ARVCF: variants seen among roughly 807,000 people sequenced by gnomAD.
The protein encoded by ARVCF is splicing regulator ARVCF.
In ARVCF, 66 loss-of-function variants were observed where a neutral mutation model predicts 90.9. That is an observed-to-expected ratio of 0.73 (90% CI 0.60 to 0.89). The LOEUF (loss-of-function observed/expected upper bound fraction) is 0.89. ARVCF is among the 40% of genes least tolerant of loss of function. ARVCF has a pLI of 0.00. For missense variants in ARVCF, 1,469 were observed against 1,382.3 expected (o/e 1.06, Z -1.00); for synonymous variants, 653 against 603.4 (o/e 1.08, Z -1.21).
chr22:20,008,717 A>G (rs887202), intron 2 of ARVCF, among the ~76,000 whole-genome samples: 139,869 of 152,156 alleles, frequency 0.92, 64,880 homozygotes, highest in African/African-American at 0.97. Flanking sequence ...CGCAAGCCAG[A>G]GCCCAGGTTG....
downstream of ARVCF, chr22:19,968,613 A>G (rs1199243850): frequency 1.2e-6 from 2 of 1,614,046 alleles, no homozygotes; most frequent in South Asian, 2.2e-5. Flanking sequence ...ACTTCCTAGC[A>G]CACGTGCGCG....
intron 1 of ARVCF, among the ~76,000 whole-genome samples, chr22:20,015,805 G>A (rs937580567): frequency 6.6e-6 from 1 of 152,244 alleles, no homozygotes; most frequent in Non-Finnish European, 1.5e-5. Context: ...TGGATGTAGG[G>A]AAAGGGAGCT....
At chr22:19,991,821 A>C (rs73387746) in intron 2 of ARVCF, among the ~76,000 whole-genome samples, 1 of 152,250 alleles carries the variant, frequency 6.6e-6, no homozygotes, top group African/African-American at 2.4e-5. Context: ...TGGGCAGGGC[A>C]TAGCCACGAG....
rs921572593 is a variant in ARVCF at position 20,006,451 on chromosome 22, C to T, written c.-19+4004G>A. On this transcript the variant is annotated intron_variant, in intron 2 of 19. Transcript: ENST00000263207. ...AAAATTAGCCGGGTGTGGCGGTGAG[C>T]GCCTGTAGTTCCAGCTACTTGGGAG... Among the ~76,000 whole-genome samples, 8 of 151,186 alleles carry T rather than the reference C, an allele frequency of 5.3e-5. No individual in the cohort carries two copies. The South Asian group carries it at 6.3e-4, about 12-fold the overall frequency.
At chr22:20,010,243 T>G (rs1359067868) in intron 2 of ARVCF, among the ~76,000 whole-genome samples, 4 of 152,202 alleles carry the variant, frequency 2.6e-5, no homozygotes, top group Non-Finnish European at 4.4e-5. Context: ...CTGCCCATAT[T>G]CAGGCCAGTA....
chr22:19,966,427 G>A (rs1320035217), downstream of ARVCF, among the ~76,000 whole-genome samples: 1 of 129,198 alleles, frequency 7.7e-6, no homozygotes, highest in African/African-American at 3.1e-5. Flanking sequence ...AGAGGAATGA[G>A]TTCCCCCTTA....
rs113625788 is a variant in ARVCF, at chr22:19,981,659, C to T, written c.448G>A (p.Asp150Asn). The change falls in exon 5 of 20, where the codon GAT (aspartate) becomes AAT (asparagine). Residue 150 changes from aspartate (D) to asparagine (N), a missense_variant. Physicochemically the swap from Asp to Asn is conservative, Grantham distance 23 (BLOSUM62 1). Transcript: ENST00000263207. ...AAAGGGCCTAGTGGGGGGCCGCCAT[C>T]CAGCAGGGGGAGTCCATCTGGGCCC... ...PVGPDGLPLL[D>N]GGPPLGPFAD... The T allele has an allele frequency of 3.6e-3, 5,800 of 1,609,168 alleles. 17 individuals carry two copies. Among genetic ancestry groups the T allele is most frequent in the Non-Finnish European group, 4.5e-3 (5,332 of 1,178,780 alleles).
chr22:19,993,766 A>C (rs1944118294), intron 2 of ARVCF, among the ~76,000 whole-genome samples: 1 of 152,274 alleles, frequency 6.6e-6, no homozygotes, highest in African/African-American at 2.4e-5. Context: ...CATGTGGACA[A>C]CACCATGTTC....
chr22:19,977,311 G>T (rs950556698), intron 9 of ARVCF, 104 bp downstream of exon 9: 2 of 1,385,756 alleles, frequency 1.4e-6, no homozygotes, highest in African/African-American at 1.5e-5. Context: ...GGCTGACCAG[G>T]TGTCCTCTAG....
At chr22:20,001,356 A>G (rs1944439374) in intron 2 of ARVCF, among the ~76,000 whole-genome samples, 1 of 152,110 alleles carries the variant, frequency 6.6e-6, no homozygotes, top group South Asian at 2.1e-4. Flanking sequence ...AACTTACAGC[A>G]GCCTAGTGCC....
At chr22:20,008,477 T>C (rs541020746) in intron 2 of ARVCF, among the ~76,000 whole-genome samples, 1 of 152,336 alleles carries the variant, frequency 6.6e-6, no homozygotes, top group African/African-American at 2.4e-5. Flanking sequence ...CTGGTTCCTC[T>C]GTGTGTTGTG....
At chr22:20,006,578 CAA>C (rs34035926) in intron 2 of ARVCF, among the ~76,000 whole-genome samples, 44 of 137,408 alleles carry the variant, frequency 3.2e-4, no homozygotes, top group Middle Eastern at 3.6e-3. Context: ...GACTCTGTCT[CAA>C]AAAAAAAAAA....
chr22:20,008,515 T>C (rs1390059986), intron 2 of ARVCF, among the ~76,000 whole-genome samples: 25 of 152,184 alleles, frequency 1.6e-4, no homozygotes, highest in Admixed American at 1.6e-3. Context: ...TGGGAGCTCC[T>C]CAGGGGCAGG....
chr22:19,982,744 C>A (rs1943574268), intron 3 of ARVCF, among the ~76,000 whole-genome samples: 1 of 152,228 alleles, frequency 6.6e-6, no homozygotes, highest in Non-Finnish European at 1.5e-5. Flanking sequence ...TCCTTCCAGC[C>A]CAGACATTCT....
intron 3 of ARVCF, among the ~76,000 whole-genome samples, chr22:19,982,581 T>C (rs1043808018): frequency 8.5e-5 from 13 of 152,134 alleles, no homozygotes; most frequent in African/African-American, 3.1e-4. Flanking sequence ...ACCTTGAGTA[T>C]AGAAGCCTTG....
Position 19,971,197 on chromosome 22 carries a change from AC to A in ARVCF, c.*12+18del. 6.4e-7 allele frequency: 1 copy of A among 1,551,670 alleles called. No homozygotes were observed. Among genetic ancestry groups the A allele is most frequent in the Non-Finnish European group, 8.7e-7 (1 of 1,147,030 alleles). ...GAGGGCAGGAACAGGTGGACGAACA[AC>A]CAGATGAGAGAACGTACCAGGCATG... is the stretch of plus-strand genomic sequence containing the variant. On this transcript the variant is annotated intron_variant, in intron 19 of 19. Coordinates refer to ENST00000263207, the MANE Select transcript of ARVCF (RefSeq NM_001670.3).
In ARVCF at chr22:19,971,354, C is replaced by A; in HGVS notation, c.2782-19G>T. On this transcript the variant is annotated intron_variant, in intron 18 of 19. Transcript: ENST00000263207. ...GGTCGAGCTGCAGCGCACGGGTGGG[C>A]ATTAGAGGCACAATAGAGCAGGTTA... The A allele has an allele frequency of 6.5e-7, 1 of 1,546,694 alleles. No individual in the cohort carries two copies. The highest frequency in any genetic ancestry group is 2.4e-5 in the East Asian group (1 of 41,152).
intron 1 of ARVCF, among the ~76,000 whole-genome samples, chr22:20,014,413 T>G (rs1055950272): frequency 2.0e-5 from 3 of 152,204 alleles, no homozygotes; most frequent in Non-Finnish European, 2.9e-5. Flanking sequence ...CAGGCTAGTG[T>G]CAAACTCCTG....
Position 19,980,146 on chromosome 22 carries a change from GC to G in ARVCF, c.992del (p.Gly331AlafsTer44). On this transcript the variant is annotated frameshift_variant, in exon 6 of 20. Coordinates refer to ENST00000263207, the MANE Select transcript of ARVCF (RefSeq NM_001670.3). LOFTEE classifies it high-confidence loss of function. Reference protein sequence around the residue: ...VTAPLAQPERGSMGSLDRLVR... With the variant: ...VTAPLAQPERXSMGSLDRLVR... ...CCAGCCGGTCCAGGCTGCCCATGCT[GC>G]CCCGTTCAGGCTGGGCCAGGGGCGC... The G allele has an allele frequency of 6.3e-7, 1 of 1,592,128 alleles. No homozygotes were observed.
Sources: allele counts gnomAD v4.1 joint callset (sites outside exome capture counted in the v4.1 genomes callset), GRCh38; gene constraint gnomAD v4.1.1; transcripts MANE v1.5; gene names NCBI Gene and HGNC (gene_info 2026-07-23, HGNC 2026-07-21).